Variants in GPBP1 observed in about 807,000 individuals in gnomAD.
GPBP1 encodes the protein GC-rich promoter binding protein 1, also known as vasculin.
GPBP1 carries 13 observed loss-of-function variants against 56.5 expected under a neutral mutation model. The observed-to-expected ratio is 0.23, with a 90% CI of 0.15 to 0.37. The LOEUF (loss-of-function observed/expected upper bound fraction) is 0.37, where lower values mean the gene tolerates loss of function less well. Among genes scored for constraint, GPBP1 ranks in the 10% least tolerant of loss-of-function variants. The pLI, the probability that GPBP1 is intolerant of heterozygous loss-of-function variation, is 1.00. For missense variants in GPBP1, 477 were observed against 572.3 expected (o/e 0.83, Z 1.70); for synonymous variants, 204 against 188.9 (o/e 1.08, Z -0.66).
chr5:57,200,614 G>A (rs1203682171), intron 2 of GPBP1, among the ~76,000 whole-genome samples: 14 of 151,278 alleles, frequency 9.3e-5, no homozygotes, highest in Non-Finnish European at 7.4e-5. Context: ...TGATTCTCCC[G>A]CCTCGGCCTC....
intron 2 of GPBP1, among the ~76,000 whole-genome samples, chr5:57,183,704 G>C (rs1338183383): frequency 6.6e-6 from 1 of 151,300 alleles, no homozygotes; most frequent in Non-Finnish European, 1.5e-5. Context: ...CTATGTTTTT[G>C]TATTAAAATT....
At chr5:57,254,236 C>CT (rs1199077259) in intron 10 of GPBP1, among the ~76,000 whole-genome samples, 2 of 152,268 alleles carry the variant, frequency 1.3e-5, no homozygotes, top group East Asian at 1.9e-4. Context: ...ACGCCCCTCG[C>CT]TTTTTTTCCC....
chr5:57,192,836 C>T (rs916706173), intron 2 of GPBP1, among the ~76,000 whole-genome samples: 1 of 151,370 alleles, frequency 6.6e-6, no homozygotes, highest in African/African-American at 2.4e-5. Context: ...AGATCTCTGT[C>T]TGATGTATCC....
intron 6 of GPBP1, among the ~76,000 whole-genome samples, chr5:57,240,014 AT>A (rs1740748411): frequency 6.6e-6 from 1 of 152,164 alleles, no homozygotes; most frequent in African/African-American, 2.4e-5. Context: ...TAATCCCAGC[AT>A]TTTTGGAGCA....
intron 2 of GPBP1, among the ~76,000 whole-genome samples, chr5:57,212,879 G>C (rs543706553): frequency 6.6e-6 from 1 of 151,608 alleles, no homozygotes; most frequent in African/African-American, 2.4e-5. Context: ...CACTATGCTG[G>C]CCAGGCTGGT....
chr5:57,243,627 A>C (rs1390609814), intron 6 of GPBP1, among the ~76,000 whole-genome samples: 1 of 151,472 alleles, frequency 6.6e-6, no homozygotes, highest in Non-Finnish European at 1.5e-5. Flanking sequence ...TTGTACTCAG[A>C]AACTATATTG....
chr5:57,244,839 T>C (rs1221401660), intron 6 of GPBP1, among the ~76,000 whole-genome samples: 1 of 150,446 alleles, frequency 6.6e-6, no homozygotes, highest in Non-Finnish European at 1.5e-5. Context: ...GTTCAAGTGA[T>C]TCTCCTGCCT....
chr5:57,246,949 GT>G, intron 7 of GPBP1, 125 bp from the exon 8 acceptor site: 1 of 692,820 alleles, frequency 1.4e-6, no homozygotes. Context: ...ATAATGCAGT[GT>G]GATACAAAAA....
At chr5:57,202,875 A>C (rs1485747363) in intron 2 of GPBP1, among the ~76,000 whole-genome samples, 1 of 152,218 alleles carries the variant, frequency 6.6e-6, no homozygotes, top group African/African-American at 2.4e-5. Flanking sequence ...CAATGAGTTC[A>C]TACTGTTTGC....
In GPBP1 at chr5:57,175,964, T is replaced by G. The variant is rs181857603; in HGVS notation, c.-494T>G. ...GAGTTTTTTTCCTTTTATCTTTTAT[T>G]TACGTGGAAATTTAAGATGTTGCAG... is the stretch of plus-strand genomic sequence containing the variant. On this transcript the variant is annotated 5_prime_UTR_variant, in exon 2 of 12. In the 5' UTR this introduces an upstream ATG that the reference lacks. Coordinates refer to ENST00000506184, the MANE Select transcript of GPBP1 (RefSeq NM_022913.4). 1.7e-4 allele frequency: 69 copies of G among 398,594 alleles called. No individual in the cohort carries two copies. Among genetic ancestry groups the G allele is most frequent in the African/African-American group, 1.1e-3 (55 of 48,768 alleles). 24.7% of individuals were successfully genotyped at this position (398,594 alleles called of 1,614,324 possible).
intron 5 of GPBP1, among the ~76,000 whole-genome samples, chr5:57,232,141 G>A (rs2111859893): frequency 6.6e-6 from 1 of 152,194 alleles, no homozygotes; most frequent in African/African-American, 2.4e-5. Context: ...AGCCTCTTGA[G>A]TAGCTCCTCT....
chr5:57,210,706 C>CA (rs1430354701), intron 2 of GPBP1, among the ~76,000 whole-genome samples: 2 of 152,174 alleles, frequency 1.3e-5, no homozygotes, highest in African/African-American at 4.8e-5. Flanking sequence ...AAACAACAGA[C>CA]ATTTATTTTC....
intron 2 of GPBP1, among the ~76,000 whole-genome samples, chr5:57,176,703 C>A (rs831648): frequency 0.22 from 34,080 of 152,118 alleles, 4,812 homozygotes; most frequent in Middle Eastern, 0.33. Flanking sequence ...TTTGAAGATT[C>A]ATTCACAGTG....
chr5:57,234,811 G>A (rs915575206), intron 5 of GPBP1, among the ~76,000 whole-genome samples: 18 of 152,104 alleles, frequency 1.2e-4, no homozygotes, highest in African/African-American at 4.3e-4. Flanking sequence ...AGCCAGCAAG[G>A]AAATGGAGAC....
chr5:57,260,952 T>G (rs543523313), intron 10 of GPBP1, among the ~76,000 whole-genome samples: 8 of 152,318 alleles, frequency 5.3e-5, no homozygotes, highest in African/African-American at 1.9e-4. Flanking sequence ...ACACCAAGGA[T>G]TAAGCAGTCA....
intron 2 of GPBP1, among the ~76,000 whole-genome samples, chr5:57,195,740 C>T (rs900292227): frequency 4.0e-5 from 6 of 151,820 alleles, no homozygotes; most frequent in African/African-American, 1.2e-4. Flanking sequence ...GGCTCGTGAG[C>T]GCCTGTAATC....
At chr5:57,244,773 G>A (rs1284144641) in intron 6 of GPBP1, among the ~76,000 whole-genome samples, 2 of 121,646 alleles carry the variant, frequency 1.6e-5, no homozygotes, top group Admixed American at 1.1e-4. Context: ...TTGCTCTGTC[G>A]CCCAGGCTGG....
chr5:57,250,173 T>G (rs915314893), intron 9 of GPBP1, among the ~76,000 whole-genome samples: 1 of 150,872 alleles, frequency 6.6e-6, no homozygotes, highest in Non-Finnish European at 1.5e-5. Flanking sequence ...TTGGCTAATT[T>G]TTTCATTTTT....
At chr5:57,245,309 C>T (rs1408673060) in intron 6 of GPBP1, among the ~76,000 whole-genome samples, 1 of 152,128 alleles carries the variant, frequency 6.6e-6, no homozygotes, top group African/African-American at 2.4e-5. Context: ...AAGCACCATA[C>T]CGGCTTTATC....
Sources: allele counts gnomAD v4.1 joint callset (sites outside exome capture counted in the v4.1 genomes callset), GRCh38; gene constraint gnomAD v4.1.1; transcripts MANE v1.5; gene names NCBI Gene and HGNC (gene_info 2026-07-23, HGNC 2026-07-21).